Variants in TNNI3K observed in about 807,000 individuals in gnomAD.
TNNI3K encodes serine/threonine-protein kinase TNNI3K.
TNNI3K carries 140 observed loss-of-function variants against 114.5 expected under a neutral mutation model. The ratio of observed to expected loss-of-function variants is 1.22; its 90% CI spans 1.07 to 1.41. The LOEUF (loss-of-function observed/expected upper bound fraction) is 1.41, where lower values mean the gene tolerates loss of function less well. TNNI3K is among the 40% of genes most tolerant of loss of function. TNNI3K has a pLI of 0.00. For missense variants in TNNI3K, 1,125 were observed against 1,007.6 expected (o/e 1.12, Z -1.58); for synonymous variants, 347 against 347.5 (o/e 1.00, Z 0.02).
chr1:74,475,881 A>G (rs889296023), intron 21 of TNNI3K: 14 of 534,794 alleles, frequency 2.6e-5, no homozygotes, highest in Non-Finnish European at 4.0e-5. Context: ...AAATGTAAAA[A>G]CCACAAATAT....
At chr1:74,506,648 C>G (rs1669916662) in intron 23 of TNNI3K, among the ~76,000 whole-genome samples, 1 of 152,218 alleles carries the variant, frequency 6.6e-6, no homozygotes, top group African/African-American at 2.4e-5. Flanking sequence ...AATGTACAAT[C>G]TCAGGCCCCA....
chr1:74,445,462 T>C (rs1358923416), intron 20 of TNNI3K, among the ~76,000 whole-genome samples: 1 of 136,922 alleles, frequency 7.3e-6, no homozygotes, highest in Non-Finnish European at 1.5e-5. Flanking sequence ...TGAGTGAGAA[T>C]ATGCGGTGTT....
At chr1:74,285,142 A>G (rs1657250447) in intron 5 of TNNI3K, among the ~76,000 whole-genome samples, 1 of 152,192 alleles carries the variant, frequency 6.6e-6, no homozygotes, top group Non-Finnish European at 1.5e-5. Context: ...CTTGACTTAT[A>G]AGGCCCGTGT....
chr1:74,426,006 A>T (rs1239898470), intron 17 of TNNI3K, among the ~76,000 whole-genome samples: 1 of 1,090 alleles, frequency 9.2e-4, no homozygotes, highest in Non-Finnish European at 1.6e-3. Context: ...AGTGAATTTA[A>T]AAAAAAATAG....
chr1:74,403,198 T>C (rs1346122822), intron 17 of TNNI3K, among the ~76,000 whole-genome samples: 1 of 152,198 alleles, frequency 6.6e-6, no homozygotes, highest in Non-Finnish European at 1.5e-5. Context: ...CCTGGTTTCA[T>C]TCTCATTCTG....
chr1:74,435,130 A>G (rs1185296311), intron 17 of TNNI3K, among the ~76,000 whole-genome samples: 1 of 152,054 alleles, frequency 6.6e-6, no homozygotes, highest in African/African-American at 2.4e-5. Context: ...GGCATCAAAG[A>G]CATATGGTAA....
In TNNI3K at chr1:74,369,518, C is replaced by T. The variant is rs754850142; in HGVS notation, c.1600C>T (p.Gln534Ter). 1.2e-6 allele frequency: 2 copies of T among 1,612,774 alleles called. No homozygotes were observed. Among genetic ancestry groups the T allele is most frequent in the South Asian group, 2.2e-5 (2 of 91,028 alleles). Residue 534 changes from glutamine (Q) to a stop codon, truncating the protein, a stop_gained, in exon 16 of 25, where the codon CAG (glutamine) becomes TAG (stop). Coordinates refer to ENST00000326637, the MANE Select transcript of TNNI3K (RefSeq NM_015978.3). LOFTEE classifies it high-confidence loss of function. ...GGGTGCTTGCTTGAATGATCCCAGC[C>T]AGTTTGCCATTGTCACTCAATACAT... ...FVGACLNDPS[Q>*]FAIVTQYISG...
chr1:74,466,218 G>A lies in TNNI3K; in HGVS notation c.2121+2668G>A, dbSNP rs546127100. On this transcript the variant is annotated intron_variant, in intron 21 of 24. Transcript: ENST00000326637. Reference sequence around the variant, plus strand: ...GTGCGGCTTCATTCTTGAAGTCAGCGAGACCAAGAACCCACCAATTCTGGA... The same window carrying A: ...GTGCGGCTTCATTCTTGAAGTCAGCAAGACCAAGAACCCACCAATTCTGGA... Among the ~76,000 whole-genome samples the A allele has an allele frequency of 2.6e-5, 4 of 152,212 alleles. No homozygotes were observed. The East Asian group carries it at 5.8e-4, about 22-fold the overall frequency.
rs906477560 is a variant in TNNI3K at position 74,250,657 on chromosome 1, A to C, written c.236-15A>C. On this transcript the variant is annotated splice_polypyrimidine_tract_variant and intron_variant, in intron 3 of 24. Transcript: ENST00000326637. ...CCCCACAATGATTTAGCCTTTTTTC[A>C]TTTTTCTCTTTAAGGCAAGAAATCA... 6.2e-7 allele frequency: 1 copy of C among 1,604,698 alleles called. No homozygotes were observed. Among genetic ancestry groups the C allele is most frequent in the Non-Finnish European group, 8.5e-7 (1 of 1,176,956 alleles).
At chr1:74,263,468 G>A (rs542929381) in intron 4 of TNNI3K, among the ~76,000 whole-genome samples, 4 of 152,132 alleles carry the variant, frequency 2.6e-5, no homozygotes, top group African/African-American at 9.6e-5. Flanking sequence ...GAAGAATGAA[G>A]TTATAGTTCT....
chr1:74,495,315 T>C (rs1324887323), intron 23 of TNNI3K, among the ~76,000 whole-genome samples: 1 of 152,190 alleles, frequency 6.6e-6, no homozygotes, highest in Non-Finnish European at 1.5e-5. Flanking sequence ...GGTAAAGCGT[T>C]TAGCTAAGTT....
intron 4 of TNNI3K, among the ~76,000 whole-genome samples, chr1:74,255,014 C>A (rs982098735): frequency 1.3e-5 from 2 of 152,118 alleles, no homozygotes; most frequent in Admixed American, 1.3e-4. Context: ...CTACAGATAT[C>A]AGGATATCTG....
intron 21 of TNNI3K, among the ~76,000 whole-genome samples, chr1:74,485,289 A>C (rs1668697317): frequency 6.6e-6 from 1 of 152,226 alleles, no homozygotes; most frequent in South Asian, 2.1e-4. Flanking sequence ...AGGTAATTCC[A>C]GTCTGAGAAA....
chr1:74,265,818 C>T (rs2100881211), intron 4 of TNNI3K, among the ~76,000 whole-genome samples: 1 of 152,036 alleles, frequency 6.6e-6, no homozygotes, highest in Admixed American at 6.6e-5. Flanking sequence ...AAGTGCCCAT[C>T]AATATTGAAA....
At chr1:74,340,239 C>G (rs1455590905) in intron 7 of TNNI3K, among the ~76,000 whole-genome samples, 2 of 152,094 alleles carry the variant, frequency 1.3e-5, no homozygotes, top group Non-Finnish European at 2.9e-5. Flanking sequence ...ACATCACTAT[C>G]TACCTACTCT....
chr1:74,372,106 AAAAAAAAAG>A (rs1168607262), intron 17 of TNNI3K: 1 of 145,148 alleles, frequency 6.9e-6, no homozygotes, highest in Non-Finnish European at 1.5e-5. Flanking sequence ...AAAAAAAAAA[AAAAAAAAAG>A]CAGTTTTTAA....
intron 6 of TNNI3K, among the ~76,000 whole-genome samples, chr1:74,335,110 C>T (rs931738278): frequency 2.6e-5 from 4 of 152,284 alleles, no homozygotes; most frequent in Admixed American, 6.5e-5. Flanking sequence ...AGAACAAATA[C>T]TGTATGTCAG....
intron 5 of TNNI3K, among the ~76,000 whole-genome samples, chr1:74,314,889 A>G (rs1659223453): frequency 6.6e-6 from 1 of 152,154 alleles, no homozygotes; most frequent in Non-Finnish European, 1.5e-5. Context: ...AGTCATTTAT[A>G]TCTTATACTT....
rs551178633 is a variant in TNNI3K at position 74,463,601 on chromosome 1, C to T, written c.2121+51C>T. The T allele has an allele frequency of 2.5e-6, 4 of 1,590,750 alleles. No homozygotes were observed. In the South Asian group the frequency reaches 4.4e-5, roughly 18 times the overall value. ...AAAATGTGTTATGGTCAAAATCTGTCACAAATAGTATAACTCCAAAGTCTA... is the reference window on the plus strand; with the variant it reads ...AAAATGTGTTATGGTCAAAATCTGTTACAAATAGTATAACTCCAAAGTCTA... On this transcript the variant is annotated intron_variant, in intron 21 of 24. Coordinates refer to ENST00000326637, the MANE Select transcript of TNNI3K (RefSeq NM_015978.3).
Sources: allele counts gnomAD v4.1 joint callset (sites outside exome capture counted in the v4.1 genomes callset), GRCh38; gene constraint gnomAD v4.1.1; transcripts MANE v1.5; gene names NCBI Gene and HGNC (gene_info 2026-07-23, HGNC 2026-07-21).